SDHA: variants seen among roughly 807,000 people sequenced by gnomAD.
SDHA encodes succinate dehydrogenase [ubiquinone] flavoprotein subunit, mitochondrial.
SDHA carries 48 observed loss-of-function variants against 78.4 expected under a neutral mutation model. That is an observed-to-expected ratio of 0.61 (90% CI 0.49 to 0.78). The LOEUF is 0.78. Ranked by LOEUF, SDHA falls within the 30% of genes least tolerant of loss-of-function variation. The probability of loss-of-function intolerance (pLI) is 0.00; values close to 1 mark genes in which losing one functional copy is unlikely to be tolerated. For synonymous variants in SDHA, 326 were observed against 353.9 expected, an observed-to-expected ratio of 0.92 and a Z score of 0.88; for missense variants, 680 against 892.7, an observed-to-expected ratio of 0.76 and a Z score of 3.04.
At chr5:251,533 A>C (rs1295028169) in intron 13 of SDHA, 65 bp downstream of exon 13, 1 of 1,611,138 alleles carries the variant, frequency 6.2e-7, no homozygotes, top group South Asian at 1.1e-5. Flanking sequence ...ACTCAGCCCC[A>C]CCCCTGCATT....
At chr5:235,559 C>T (rs1735724645) in intron 9 of SDHA, 2 of 595,548 alleles carry the variant, frequency 3.4e-6, no homozygotes, top group African/African-American at 3.7e-5. Context: ...ACATCATTTG[C>T]AGCTTTTTCC....
At chr5:263,224 G>A in the SDHA span, among the ~76,000 whole-genome samples, 1 of 152,100 alleles carries the variant, frequency 6.6e-6, no homozygotes, top group African/African-American at 2.4e-5. Flanking sequence ...ATAGGTGTGA[G>A]CCACTGCCAG....
intron 7 of SDHA, 126 bp from the exon 8 acceptor site, chr5:233,351 T>C: frequency 1.0e-6 from 1 of 980,534 alleles, no homozygotes; most frequent in Non-Finnish European, 1.6e-6. Context: ...TGCTGTGCAG[T>C]TTTGCACATA....
At chr5:244,761 G>A (rs1736346730) in intron 11 of SDHA, among the ~76,000 whole-genome samples, 1 of 152,184 alleles carries the variant, frequency 6.6e-6, no homozygotes, top group African/African-American at 2.4e-5. Context: ...GGGCCCAATG[G>A]ACAACCTGGG....
intron 8 of SDHA, chr5:233,930 C>T (rs1299276282): frequency 6.4e-5 from 27 of 419,156 alleles, no homozygotes; most frequent in Non-Finnish European, 9.9e-5. Flanking sequence ...AACCTGAAGT[C>T]GGCATGTGAG....
At chr5:244,075 C>A (rs532272622) in intron 11 of SDHA, among the ~76,000 whole-genome samples, 1 of 152,238 alleles carries the variant, frequency 6.6e-6, no homozygotes, top group South Asian at 2.1e-4. Flanking sequence ...AAGATGGGAA[C>A]CCCATTTTGG....
intron 5 of SDHA, among the ~76,000 whole-genome samples, chr5:226,883 C>T (rs1028249223): frequency 1.4e-5 from 2 of 143,236 alleles, no homozygotes; most frequent in Non-Finnish European, 3.0e-5. Flanking sequence ...GAGCCGAGAT[C>T]GCACCCCTGC....
intron 11 of SDHA, chr5:250,480 T>A (rs1736739735): frequency 8.9e-6 from 2 of 225,044 alleles, no homozygotes; most frequent in South Asian, 1.3e-4. Context: ...AGTAGCCAGA[T>A]GGGCCAAGGG....
At chr5:243,153 C>T (rs1367820712) in intron 11 of SDHA, among the ~76,000 whole-genome samples, 1 of 152,144 alleles carries the variant, frequency 6.6e-6, no homozygotes, top group Non-Finnish European at 1.5e-5. Flanking sequence ...CTTGGCAGTT[C>T]CCTGTTAGAA....
the SDHA span, among the ~76,000 whole-genome samples, chr5:264,733 C>T: frequency 3.3e-5 from 5 of 152,284 alleles, no homozygotes; most frequent in Admixed American, 1.3e-4. Context: ...ATCAGAGCAT[C>T]GCCAGAACGC....
Position 230,821 on chromosome 5 carries a change from TAGG to T in SDHA, c.771-51_771-49del. 9 of 1,610,832 alleles carry T rather than the reference TAGG, an allele frequency of 5.6e-6. 1 individual carries two copies. Among genetic ancestry groups the T allele is most frequent in the East Asian group, 4.5e-5 (2 of 44,854 alleles). On this transcript the variant is annotated intron_variant, in intron 6 of 14. Transcript: ENST00000264932. ...GTGTCCATTCTGTGATCTCACCAGATAGGAGGTCCAGATGTGGGCCGCTGTGTG... is the reference window on the plus strand; with the variant it reads ...GTGTCCATTCTGTGATCTCACCAGATAGGTCCAGATGTGGGCCGCTGTGTG...
At chr5:236,633 G>C (rs1735805398) in intron 10 of SDHA, 34 bp downstream of exon 10, 3 of 1,601,182 alleles carry the variant, frequency 1.9e-6, no homozygotes, top group East Asian at 4.5e-5. Flanking sequence ...GACTATTTGA[G>C]AAGGCGCAGG....
chr5:225,398 A>G (rs1466117823), intron 3 of SDHA, 21 bp from the exon 4 acceptor site: 2 of 1,611,908 alleles, frequency 1.2e-6, no homozygotes, highest in Non-Finnish European at 1.7e-6. Context: ...GTGGCTTGTA[A>G]GGAGTGGTTG....
intron 5 of SDHA, 123 bp from the exon 6 acceptor site, chr5:228,062 C>A: frequency 8.5e-6 from 8 of 941,754 alleles, no homozygotes; most frequent in Non-Finnish European, 1.3e-5. Flanking sequence ...TGTTGCTGAT[C>A]TCCTTGGATT....
chr5:222,505 G>C (rs1318203213), intron 1 of SDHA, among the ~76,000 whole-genome samples: 1 of 151,908 alleles, frequency 6.6e-6, no homozygotes, highest in Non-Finnish European at 1.5e-5. Flanking sequence ...CCGCCACGAC[G>C]CCCAGCTAAT....
downstream of SDHA, among the ~76,000 whole-genome samples, chr5:258,477 C>T (rs113287738): frequency 7.4e-3 from 923 of 125,328 alleles, 175 homozygotes; most frequent in African/African-American, 0.037. Flanking sequence ...CGTGTGAGCT[C>T]CACCCCCTGC....
the SDHA span, among the ~76,000 whole-genome samples, chr5:263,035 G>A: frequency 6.6e-6 from 1 of 152,116 alleles, no homozygotes; most frequent in Non-Finnish European, 1.5e-5. Context: ...CACCTCCGGG[G>A]CTCCAGCAAT....
chr5:255,898 T>C (rs1737154109), intron 14 of SDHA, among the ~76,000 whole-genome samples: 2 of 152,236 alleles, frequency 1.3e-5, no homozygotes, highest in African/African-American at 4.8e-5. Flanking sequence ...ATTCCTTCTC[T>C]GAAATCCTTG....
intron 14 of SDHA, among the ~76,000 whole-genome samples, chr5:255,824 T>G (rs188414636): frequency 1.3e-5 from 2 of 152,220 alleles, no homozygotes. Flanking sequence ...CCATTATGGT[T>G]TAAATTTCTT....
Sources: gnomAD v4.1 joint callset for allele counts (sites outside exome capture counted in the v4.1 genomes callset) on GRCh38, gnomAD v4.1.1 for gene constraint, MANE v1.5 for transcripts, NCBI Gene and HGNC (gene_info 2026-07-23, HGNC 2026-07-21) for gene names.